The following NFATC1 variants were observed in gnomAD, a reference collection of about 807,000 sequenced individuals.
NFATC1 encodes the protein nuclear factor of activated T cells 1.
In NFATC1, 22 loss-of-function variants were observed where a neutral mutation model predicts 76.0. The observed-to-expected ratio is 0.29, with a 90% CI of 0.21 to 0.41. NFATC1 has a LOEUF of 0.41. NFATC1 is among the 10% of genes least tolerant of loss of function. The pLI, the probability that NFATC1 is intolerant of heterozygous loss-of-function variation, is 1.00. For missense variants in NFATC1, 1,357 were observed against 1,337.7 expected (o/e 1.01, Z -0.23); for synonymous variants, 704 against 613.1 (o/e 1.15, Z -2.19).
chr18:79,484,126 G>A (rs1180390815), intron 8 of NFATC1, among the ~76,000 whole-genome samples: 1 of 151,924 alleles, frequency 6.6e-6, no homozygotes, highest in Non-Finnish European at 1.5e-5. Context: ...GAGGCGGGGG[G>A]AGCACACCCG....
At chr18:79,511,251 G>GT (rs1399566214) in intron 9 of NFATC1, among the ~76,000 whole-genome samples, 3 of 152,162 alleles carry the variant, frequency 2.0e-5, no homozygotes, top group Non-Finnish European at 2.9e-5. Flanking sequence ...ATCTTGGGGT[G>GT]TTTTTTTCAC....
At chr18:79,519,811 G>A (rs2090470169) in intron 9 of NFATC1, among the ~76,000 whole-genome samples, 2 of 152,220 alleles carry the variant, frequency 1.3e-5, no homozygotes, top group Admixed American at 6.5e-5. Context: ...CTTTCCTTCT[G>A]TGGGTCTTTC....
chr18:79,500,291 TAATG>T (rs1482436096), intron 9 of NFATC1, among the ~76,000 whole-genome samples: 1 of 152,100 alleles, frequency 6.6e-6, no homozygotes, highest in Non-Finnish European at 1.5e-5. Flanking sequence ...TCTAAATAAT[TAATG>T]AGTGAAGTTA....
In NFATC1 at chr18:79,467,542, G is replaced by A; in HGVS notation, c.2052G>A (p.Lys684=). The change falls in exon 8 of 10, where the codon AAG becomes AAA. Residue 684 remains lysine (K), a synonymous_variant. Transcript: ENST00000427363. ...VSFYVCNGKR[K]RSQYQRFTYL... ...TCTACGTCTGCAACGGGAAGAGAAAGCGAAGCCAGTACCAGCGTTTCACCT... is the reference window on the plus strand; with the variant it reads ...TCTACGTCTGCAACGGGAAGAGAAAACGAAGCCAGTACCAGCGTTTCACCT... The A allele has an allele frequency of 1.2e-6, 2 of 1,614,042 alleles. No individual in the cohort carries two copies. The highest frequency in any genetic ancestry group is 8.5e-7 in the Non-Finnish European group (1 of 1,179,986).
Position 79,396,201 on chromosome 18 carries a change from C to A in NFATC1, c.-24C>A, listed in dbSNP as rs754114101. The A allele has an allele frequency of 2.0e-5, 30 of 1,468,270 alleles. No individual in the cohort carries two copies. Among genetic ancestry groups the A allele is most frequent in the Non-Finnish European group, 2.5e-5 (27 of 1,100,708 alleles). The allele number at this position is 1,468,270 out of a possible 1,614,324, so 91.0% of individuals were successfully genotyped here. A position where few individuals can be genotyped will look rare whatever the true frequency, so the allele number is the denominator to read the frequency against. On this transcript the variant is annotated 5_prime_UTR_variant, in exon 1 of 10. Transcript: ENST00000427363. Reference sequence around the variant, plus strand: ...TTCTCCTGTGCCTCCGCCCGCCGCTCCACTCCCCGCCGCCGCCGCGCGGAT... The same window carrying A: ...TTCTCCTGTGCCTCCGCCCGCCGCTACACTCCCCGCCGCCGCCGCGCGGAT...
intron 8 of NFATC1, among the ~76,000 whole-genome samples, chr18:79,477,278 AG>A (rs968198600): frequency 6.6e-6 from 1 of 152,222 alleles, no homozygotes; most frequent in Non-Finnish European, 1.5e-5. Flanking sequence ...CCAGGGGTTT[AG>A]ACTTTGAACA....
chr18:79,511,067 C>T (rs940182828), intron 9 of NFATC1, among the ~76,000 whole-genome samples: 8 of 152,216 alleles, frequency 5.3e-5, no homozygotes, highest in African/African-American at 9.6e-5. Flanking sequence ...GGGCCAGCCC[C>T]GCTGATTCGA....
At chr18:79,402,185 T>C (rs2085289783) in intron 1 of NFATC1, among the ~76,000 whole-genome samples, 1 of 152,238 alleles carries the variant, frequency 6.6e-6, no homozygotes, top group African/African-American at 2.4e-5. Context: ...CTCCTGTGAC[T>C]GCACAGGTAA....
chr18:79,440,427 G>A lies in NFATC1; in HGVS notation c.1386+6689G>A, dbSNP rs137877390. ...GTCACCTGGAGACCACATGAGAAGC[G>A]GCCATCTGCAGCAGCAATCACCCCG... On this transcript the variant is annotated intron_variant, in intron 3 of 9. Coordinates refer to ENST00000427363, the MANE Select transcript of NFATC1 (RefSeq NM_001278669.2). Among the ~76,000 whole-genome samples, 72 of 152,328 alleles carry A rather than the reference G, an allele frequency of 4.7e-4. 1 individual carries two copies. In the East Asian group the frequency reaches 0.01, roughly 22 times the overall value.
rs530515037 is a variant in NFATC1, at chr18:79,433,626, C to T, written c.1274C>T (p.Pro425Leu). The change falls in exon 3 of 10, where the codon CCG (proline) becomes CTG (leucine). Residue 425 changes from proline to leucine, a missense_variant. By Grantham distance (98) the Pro-to-Leu change is moderately conservative. Coordinates refer to ENST00000427363, the MANE Select transcript of NFATC1 (RefSeq NM_001278669.2). ...LDWQLPSHSGPYELRIEVQPK... is the reference protein window; with the variant it reads ...LDWQLPSHSGLYELRIEVQPK... Reference sequence around the variant, plus strand: ...TGGCAGCTGCCGTCCCACTCAGGCCCGTATGAGCTTCGGATTGAGGTGCAG... The same window carrying T: ...TGGCAGCTGCCGTCCCACTCAGGCCTGTATGAGCTTCGGATTGAGGTGCAG... 2.9e-5 allele frequency: 47 copies of T among 1,613,120 alleles called. 1 individual carries two copies. Among genetic ancestry groups the T allele is most frequent in the South Asian group, 1.9e-4 (17 of 91,074 alleles).
chr18:79,425,280 T>TTTCTCTCC (rs2086285563), intron 2 of NFATC1, among the ~76,000 whole-genome samples: 1 of 151,464 alleles, frequency 6.6e-6, no homozygotes. Context: ...TCTCTCTCTG[T>TTTCTCTCC]CTGTCTTTCT....
rs1054866180 is a variant in NFATC1 at position 79,461,311 on chromosome 18, A to G, written c.1904A>G (p.Asp635Gly). The change falls in exon 7 of 10, where the codon GAT becomes GGT. Residue 635 changes from aspartate to glycine, a missense_variant and splice_region_variant. This residue lies in a region of NFATC1 where 242 missense variants were observed against 329.2 expected (regional missense o/e 0.74). Transcript: ENST00000427363. The part of the protein sequence containing the change: ...SKVIFVEKAP[D>G]GHHVWEMEAK... The stretch of plus-strand genomic sequence containing the variant: ...GACGTTTCCTGCTCCTTTCTTCCAG[A>G]TGGCCACCATGTCTGGGAGATGGAA... The G allele has an allele frequency of 5.1e-6, 8 of 1,562,646 alleles. No homozygotes were observed. Among genetic ancestry groups the G allele is most frequent in the Non-Finnish European group, 6.9e-6 (8 of 1,162,328 alleles).
At chr18:79,467,983 ACTTTG>A (rs1319173128) in intron 8 of NFATC1, 1 of 1,009,972 alleles carries the variant, frequency 9.9e-7, no homozygotes, top group Non-Finnish European at 1.2e-6. Context: ...TTAGGAATAA[ACTTTG>A]CTTTTAAGCC....
chr18:79,473,779 A>G (rs1209117434), intron 8 of NFATC1, among the ~76,000 whole-genome samples: 3 of 132,452 alleles, frequency 2.3e-5, no homozygotes, highest in East Asian at 2.5e-4. Flanking sequence ...CGCTGTCGAC[A>G]TAAACCTGAG....
At chr18:79,521,550 G>T (rs1164822864) in intron 9 of NFATC1, among the ~76,000 whole-genome samples, 7 of 112,730 alleles carry the variant, frequency 6.2e-5, no homozygotes, top group African/African-American at 1.7e-4. Context: ...TGTGTGTGTG[G>T]GGGGGCATCC....
At chr18:79,518,676 A>C (rs967609689) in intron 9 of NFATC1, among the ~76,000 whole-genome samples, 1 of 152,182 alleles carries the variant, frequency 6.6e-6, no homozygotes, top group East Asian at 1.9e-4. Flanking sequence ...TGCCCCCGCT[A>C]CTCACCGCAG....
chr18:79,517,003 C>T (rs2090401646), intron 9 of NFATC1, among the ~76,000 whole-genome samples: 1 of 152,154 alleles, frequency 6.6e-6, no homozygotes. Flanking sequence ...TCTATCATGC[C>T]CCTTTGTAAT....
intron 6 of NFATC1, among the ~76,000 whole-genome samples, chr18:79,455,190 A>G (rs2087638415): frequency 6.6e-6 from 1 of 152,334 alleles, no homozygotes; most frequent in East Asian, 1.9e-4. Flanking sequence ...GCCGTTTTTT[A>G]AAAACATCAG....
Position 79,429,570 on chromosome 18 carries a change from C to T in NFATC1, c.1227-4009C>T, listed in dbSNP as rs529943889. Among the ~76,000 whole-genome samples the T allele has an allele frequency of 2.9e-4, 44 of 152,240 alleles. 1 individual carries two copies. The South Asian group carries it at 8.9e-3, about 31-fold the overall frequency. On this transcript the variant is annotated intron_variant, in intron 2 of 9. Coordinates refer to ENST00000427363, the MANE Select transcript of NFATC1 (RefSeq NM_001278669.2). The stretch of plus-strand genomic sequence containing the variant: ...CGAGGCTGCCCCAGGCGTCGTCCCC[C>T]AGAAGGAAGCACGCGGAGTGGAGTG...
Sources: gnomAD v4.1 joint callset for allele counts (sites outside exome capture counted in the v4.1 genomes callset) on GRCh38, gnomAD v4.1.1 for gene constraint, gnomAD v4.1.1 regional missense constraint, MANE v1.5 for transcripts, NCBI Gene and HGNC (gene_info 2026-07-23, HGNC 2026-07-21) for gene names.